LRP1B: variants seen among roughly 807,000 people sequenced by gnomAD.
The protein encoded by LRP1B is LDL receptor related protein 1B, also known as low-density lipoprotein receptor-related protein 1B.
A neutral mutation model predicts 556.6 loss-of-function variants in LRP1B; 217 were observed. That is an observed-to-expected ratio of 0.39 (90% CI 0.35 to 0.44). The LOEUF (loss-of-function observed/expected upper bound fraction) is 0.44. Ranked by LOEUF, LRP1B falls within the 20% of genes least tolerant of loss-of-function variation. The probability of loss-of-function intolerance (pLI) is 1.00; values close to 1 mark genes in which losing one functional copy is unlikely to be tolerated. For synonymous variants in LRP1B, 2,047 were observed against 1,865.8 expected (o/e 1.10, Z -2.50); for missense variants, 5,053 against 5,620.8 (o/e 0.90, Z 3.23).
chr2:140,826,733 T>C, intron 31 of LRP1B, among the ~76,000 whole-genome samples: 1 of 152,100 alleles, frequency 6.6e-6, no homozygotes, highest in East Asian at 1.9e-4. Context: ...TTGGATCCCC[T>C]TTTAAGAAAA....
At chr2:141,077,599 A>G (rs187915936) in intron 7 of LRP1B, among the ~76,000 whole-genome samples, 19 of 152,282 alleles carry the variant, frequency 1.2e-4, no homozygotes, top group African/African-American at 4.6e-4. Flanking sequence ...ATTATCTTCA[A>G]TACTTTGGTG....
intron 35 of LRP1B, among the ~76,000 whole-genome samples, chr2:140,722,806 G>A (rs1417640275): frequency 1.3e-5 from 2 of 152,284 alleles, no homozygotes; most frequent in East Asian, 3.9e-4. Flanking sequence ...CACTTTGGGA[G>A]GCCGAGGCAG....
At position 140,830,338 on chromosome 2, in the gene LRP1B, T is replaced by A. The variant is rs373325522; in HGVS notation, c.5209+9653A>T. On this transcript the variant is annotated intron_variant, in intron 31 of 90. Transcript: ENST00000389484. ...AAACTATATCCCTAATAAACATAGA[T>A]GCAAAAATCTTCAACAAAATACTAA... Among the ~76,000 whole-genome samples, 5 of 152,080 alleles carry A rather than the reference T, an allele frequency of 3.3e-5. No individual in the cohort carries two copies. In the East Asian group the frequency reaches 7.7e-4, roughly 23 times the overall value.
intron 1 of LRP1B, among the ~76,000 whole-genome samples, chr2:142,038,667 T>C (rs1703966609): frequency 6.6e-6 from 1 of 151,530 alleles, no homozygotes; most frequent in Non-Finnish European, 1.5e-5. Flanking sequence ...TTGGACAGCG[T>C]TTATTCCTCT....
chr2:140,895,902 C>T (rs185758130), intron 23 of LRP1B, among the ~76,000 whole-genome samples: 1 of 152,196 alleles, frequency 6.6e-6, no homozygotes, highest in East Asian at 1.9e-4. Flanking sequence ...TGCTCTGCTG[C>T]CCGTGGAGCC....
At chr2:140,724,364 A>T (rs2105481544) in intron 35 of LRP1B, among the ~76,000 whole-genome samples, 1 of 152,290 alleles carries the variant, frequency 6.6e-6, no homozygotes, top group Non-Finnish European at 1.5e-5. Flanking sequence ...CAAATTAGAT[A>T]TACAGAACAA....
intron 8 of LRP1B, 131 bp downstream of exon 8, chr2:141,061,920 T>A (rs898629717): frequency 7.3e-6 from 5 of 687,832 alleles, no homozygotes; most frequent in Admixed American, 2.5e-5. Flanking sequence ...TTCTCCAATA[T>A]AGGAAATATA....
At chr2:140,630,494 C>G (rs942029008) in intron 41 of LRP1B, among the ~76,000 whole-genome samples, 3 of 152,148 alleles carry the variant, frequency 2.0e-5, no homozygotes, top group Admixed American at 2.0e-4. Context: ...AACAAACCAT[C>G]ATAGCTACAA....
intron 7 of LRP1B, among the ~76,000 whole-genome samples, chr2:141,185,683 C>CAAAAAAAAAAAAAAA (rs148935362): frequency 3.2e-4 from 24 of 74,296 alleles, no homozygotes; most frequent in African/African-American, 1.0e-3. Flanking sequence ...GAAAAACAAA[C>CAAAAAAAAAAAAAAA]AAACAAAAAA....
At chr2:141,727,455 G>A (rs569884537) in intron 2 of LRP1B, among the ~76,000 whole-genome samples, 115 of 152,264 alleles carry the variant, frequency 7.6e-4, no homozygotes, top group African/African-American at 2.8e-3. Context: ...TATCCAACCT[G>A]CCCACTACTT....
intron 2 of LRP1B, among the ~76,000 whole-genome samples, chr2:141,781,093 A>T (rs1414733627): frequency 1.3e-5 from 2 of 152,156 alleles, no homozygotes; most frequent in Non-Finnish European, 2.9e-5. Flanking sequence ...AGATAGTATT[A>T]AAAATCTATT....
At chr2:142,045,029 G>GCATA (rs1704204761) in intron 1 of LRP1B, among the ~76,000 whole-genome samples, 1 of 151,320 alleles carries the variant, frequency 6.6e-6, no homozygotes, top group African/African-American at 2.4e-5. Context: ...CTTTTTAAAT[G>GCATA]TAACTTCCTT....
intron 7 of LRP1B, among the ~76,000 whole-genome samples, chr2:141,146,059 G>A (rs112828782): frequency 0.036 from 5,395 of 151,340 alleles, 298 homozygotes; most frequent in African/African-American, 0.12. Flanking sequence ...AGAGTAGCTG[G>A]GCTTACAGGT....
chr2:142,088,629 A>T (rs975321399), intron 1 of LRP1B, among the ~76,000 whole-genome samples: 1 of 152,166 alleles, frequency 6.6e-6, no homozygotes, highest in Non-Finnish European at 1.5e-5. Context: ...TGTTAACATT[A>T]TTAAAATATC....
chr2:140,754,010 A>C (rs1229491269), intron 35 of LRP1B, among the ~76,000 whole-genome samples: 1 of 152,152 alleles, frequency 6.6e-6, no homozygotes, highest in Non-Finnish European at 1.5e-5. Context: ...CTATGCCAAG[A>C]GAGGCAAACC....
chr2:141,470,227 T>C (rs1401824226), intron 3 of LRP1B, among the ~76,000 whole-genome samples: 1 of 152,198 alleles, frequency 6.6e-6, no homozygotes, highest in Non-Finnish European at 1.5e-5. Flanking sequence ...TTTAACTTCT[T>C]ATTGTTACTG....
intron 2 of LRP1B, among the ~76,000 whole-genome samples, chr2:141,797,148 T>C (rs1474202775): frequency 9.6e-5 from 4 of 41,598 alleles, no homozygotes; most frequent in Admixed American, 4.3e-4. Flanking sequence ...AAAATAATCA[T>C]ATATATATAT....
intron 2 of LRP1B, among the ~76,000 whole-genome samples, chr2:141,755,454 A>G (rs1694281640): frequency 2.6e-5 from 4 of 152,214 alleles, no homozygotes; most frequent in Admixed American, 2.6e-4. Context: ...TAATACAACC[A>G]TATGTTACTA....
At chr2:141,632,727 C>A (rs1477216280) in intron 2 of LRP1B, among the ~76,000 whole-genome samples, 1 of 151,764 alleles carries the variant, frequency 6.6e-6, no homozygotes, top group Admixed American at 6.6e-5. Flanking sequence ...CTGAATGGAG[C>A]CAGAGAGTCA....
Sources: allele counts gnomAD v4.1 joint callset (sites outside exome capture counted in the v4.1 genomes callset), GRCh38; gene constraint gnomAD v4.1.1; transcripts MANE v1.5; gene names NCBI Gene and HGNC (gene_info 2026-07-23, HGNC 2026-07-21).